SLC25A21: variants seen among roughly 807,000 people sequenced by gnomAD.
SLC25A21 encodes the protein mitochondrial 2-oxodicarboxylate carrier.
Under a neutral mutation model 43.8 loss-of-function variants are expected in SLC25A21, and 47 were observed. The observed-to-expected ratio is 1.07, with a 90% confidence interval of 0.85 to 1.37. SLC25A21 has a LOEUF of 1.37. Ranked by LOEUF, SLC25A21 falls within the 40% of genes most tolerant of loss-of-function variation. The pLI is 0.00. For synonymous variants in SLC25A21, 131 were observed against 121.3 expected (o/e 1.08, Z -0.52); for missense variants, 352 against 350.2 (o/e 1.00, Z -0.04).
chr14:37,107,656 T>C (rs1962940816), intron 1 of SLC25A21, among the ~76,000 whole-genome samples: 1 of 152,166 alleles, frequency 6.6e-6, no homozygotes, highest in Non-Finnish European at 1.5e-5. Context: ...ATGTAAATAT[T>C]GTTATTGTTA....
chr14:37,010,723 T>A (rs1009838661), intron 1 of SLC25A21, among the ~76,000 whole-genome samples: 16 of 152,154 alleles, frequency 1.1e-4, no homozygotes, highest in Non-Finnish European at 1.5e-4. Flanking sequence ...TGCATATAAA[T>A]CCTAAATTCT....
chr14:36,957,901 T>A, intron 1 of SLC25A21, among the ~76,000 whole-genome samples: 1 of 152,256 alleles, frequency 6.6e-6, no homozygotes, highest in East Asian at 1.9e-4. Context: ...AGTATCATTA[T>A]TCTATATATC....
chr14:36,892,024 A>T (rs1048095005), intron 1 of SLC25A21, among the ~76,000 whole-genome samples: 1 of 152,160 alleles, frequency 6.6e-6, no homozygotes, highest in Non-Finnish European at 1.5e-5. Context: ...GTGGTTAAGC[A>T]TTACCCTGAT....
intron 1 of SLC25A21, among the ~76,000 whole-genome samples, chr14:37,024,717 T>C (rs902702196): frequency 4.6e-5 from 7 of 152,052 alleles, no homozygotes; most frequent in African/African-American, 2.4e-5. Context: ...GGCTCACTTG[T>C]ACTTGGTCTA....
Position 36,810,222 on chromosome 14 carries a change from A to G in SLC25A21, c.203+3696T>C, listed in dbSNP as rs114476226. Among the ~76,000 whole-genome samples, 1,197 of 152,292 alleles carry G rather than the reference A, an allele frequency of 7.9e-3. 18 individuals are homozygous for G. Among genetic ancestry groups the G allele is most frequent in the African/African-American group, 0.027 (1,116 of 41,568 alleles). ...AGAAGCAATTATACATACAGTATAGAAAAAGGCCAATTCCACTATGTAAGG... is the reference window on the plus strand; with the variant it reads ...AGAAGCAATTATACATACAGTATAGGAAAAGGCCAATTCCACTATGTAAGG... On this transcript the variant is annotated intron_variant, in intron 3 of 9. Transcript: ENST00000331299.
chr14:36,809,499 A>G (rs1005766190), intron 3 of SLC25A21, among the ~76,000 whole-genome samples: 3 of 152,118 alleles, frequency 2.0e-5, no homozygotes, highest in African/African-American at 4.8e-5. Context: ...AAAAAGTACA[A>G]TGTATTTACG....
At chr14:37,145,468 C>CAG (rs1389985833) in intron 1 of SLC25A21, among the ~76,000 whole-genome samples, 2 of 68,348 alleles carry the variant, frequency 2.9e-5, no homozygotes, top group African/African-American at 9.9e-5. Flanking sequence ...CACACACACA[C>CAG]ACACACACAG....
intron 6 of SLC25A21, among the ~76,000 whole-genome samples, chr14:36,720,998 GC>G (rs776483928): frequency 1.3e-5 from 2 of 152,144 alleles, no homozygotes; most frequent in Admixed American, 6.5e-5. Context: ...CTGTGCTGGT[GC>G]CCACAACTGG....
chr14:36,879,088 A>G (rs1219091402), intron 1 of SLC25A21, among the ~76,000 whole-genome samples: 1 of 152,204 alleles, frequency 6.6e-6, no homozygotes, highest in African/African-American at 2.4e-5. Flanking sequence ...TGATCTTAAA[A>G]CCAGAAAAAA....
At chr14:36,856,180 T>A (rs1713796691) in intron 2 of SLC25A21, among the ~76,000 whole-genome samples, 1 of 152,146 alleles carries the variant, frequency 6.6e-6, no homozygotes, top group South Asian at 2.1e-4. Context: ...TGAACACAAA[T>A]CCTCGCTCCT....
chr14:37,063,260 G>A (rs1184736572), intron 1 of SLC25A21, among the ~76,000 whole-genome samples: 3 of 152,110 alleles, frequency 2.0e-5, no homozygotes, highest in Non-Finnish European at 4.4e-5. Context: ...AGCACTTTGG[G>A]AGGCCGAGAT....
At chr14:37,127,263 G>A (rs1166778256) in intron 1 of SLC25A21, among the ~76,000 whole-genome samples, 1 of 152,094 alleles carries the variant, frequency 6.6e-6, no homozygotes, top group Non-Finnish European at 1.5e-5. Flanking sequence ...AAATTTGCCT[G>A]AGGTCACACA....
At chr14:37,095,565 A>G (rs539647967) in intron 1 of SLC25A21, among the ~76,000 whole-genome samples, 1 of 152,026 alleles carries the variant, frequency 6.6e-6, no homozygotes, top group Non-Finnish European at 1.5e-5. Context: ...TTCAGTAAAA[A>G]CAAACTGCAG....
intron 1 of SLC25A21, among the ~76,000 whole-genome samples, chr14:36,957,423 A>G (rs1959369405): frequency 6.6e-6 from 1 of 152,172 alleles, no homozygotes; most frequent in African/African-American, 2.4e-5. Flanking sequence ...GTGCTGTGTG[A>G]CTTTGGATAA....
intron 1 of SLC25A21, among the ~76,000 whole-genome samples, chr14:37,128,426 T>C (rs1389969763): frequency 6.6e-6 from 1 of 152,144 alleles, no homozygotes; most frequent in Non-Finnish European, 1.5e-5. Context: ...TTAAATTGTG[T>C]TATTTCGATG....
At position 36,711,500 on chromosome 14, in the gene SLC25A21, A is replaced by T; in HGVS notation, c.439-18T>A. ...GATGGTTGCTGCAGAAGAGAGAAGC[A>T]AGGCCAGAATGATCATCTTTGGGAC... On this transcript the variant is annotated intron_variant, in intron 6 of 9. Coordinates refer to ENST00000331299, the MANE Select transcript of SLC25A21 (RefSeq NM_030631.4). 1.2e-6 allele frequency: 2 copies of T among 1,611,568 alleles called. No homozygotes were observed. The highest frequency in any genetic ancestry group is 1.7e-5 in the Admixed American group (1 of 59,598).
At chr14:36,874,307 A>G (rs545197423) in intron 2 of SLC25A21, among the ~76,000 whole-genome samples, 10 of 152,238 alleles carry the variant, frequency 6.6e-5, no homozygotes, top group African/African-American at 9.6e-5. Flanking sequence ...AGACTCCAAG[A>G]GCTTCCAATT....
chr14:36,886,166 G>A (rs997828469), intron 1 of SLC25A21, among the ~76,000 whole-genome samples: 5 of 152,042 alleles, frequency 3.3e-5, no homozygotes, highest in Non-Finnish European at 5.9e-5. Flanking sequence ...TTGATAGCCT[G>A]CCCAGAAAAT....
At chr14:36,835,131 G>A (rs765194599) in intron 2 of SLC25A21, among the ~76,000 whole-genome samples, 1 of 152,210 alleles carries the variant, frequency 6.6e-6, no homozygotes. Flanking sequence ...TTTCTAGACT[G>A]AGCAGACATA....
Sources: gnomAD v4.1 joint callset for allele counts (sites outside exome capture counted in the v4.1 genomes callset) on GRCh38, gnomAD v4.1.1 for gene constraint, MANE v1.5 for transcripts, NCBI Gene and HGNC (gene_info 2026-07-23, HGNC 2026-07-21) for gene names.